The following TRIM37 variants were observed in gnomAD, a reference collection of about 807,000 sequenced individuals.
TRIM37 encodes the protein E3 ubiquitin-protein ligase TRIM37.
Under a neutral mutation model 129.8 loss-of-function variants are expected in TRIM37, and 80 were observed. That is an observed-to-expected ratio of 0.62 (90% CI 0.51 to 0.74). The LOEUF is 0.74. TRIM37 is among the 30% of genes least tolerant of loss of function. The probability of loss-of-function intolerance (pLI) is 0.00; values close to 1 mark genes in which losing one functional copy is unlikely to be tolerated. For synonymous variants in TRIM37, 389 were observed against 387.1 expected (o/e 1.00, Z -0.06); for missense variants, 1,054 against 1,176.5 (o/e 0.90, Z 1.52).
intron 17 of TRIM37, among the ~76,000 whole-genome samples, 175 bp from the exon 18 acceptor site, chr17:59,032,265 C>T (rs566697426): frequency 4.3e-4 from 65 of 152,196 alleles, no homozygotes; most frequent in African/African-American, 1.5e-3. Flanking sequence ...GTGGCTCACG[C>T]CTGTAATCCC....
At chr17:59,050,273 A>G (rs1046844710) in intron 14 of TRIM37, among the ~76,000 whole-genome samples, 1 of 152,228 alleles carries the variant, frequency 6.6e-6, no homozygotes, top group African/African-American at 2.4e-5. Context: ...CTTACCTCAA[A>G]CTACAGCCAC....
chr17:59,056,238 C>T (rs1454042204), intron 13 of TRIM37, among the ~76,000 whole-genome samples: 1 of 151,036 alleles, frequency 6.6e-6, no homozygotes, highest in Non-Finnish European at 1.5e-5. Flanking sequence ...GATGGGGGGT[C>T]TCATAATGTT....
intron 16 of TRIM37, among the ~76,000 whole-genome samples, 191 bp downstream of exon 16, chr17:59,047,492 A>G (rs2039939793): frequency 6.6e-6 from 1 of 152,230 alleles, no homozygotes; most frequent in African/African-American, 2.4e-5. Flanking sequence ...TAATTTCAAA[A>G]TTCAAATTTA....
intron 17 of TRIM37, among the ~76,000 whole-genome samples, chr17:59,036,364 A>G (rs1342578962): frequency 1.3e-5 from 2 of 152,176 alleles, no homozygotes; most frequent in Non-Finnish European, 2.9e-5. Context: ...TTTGTGCTAA[A>G]AAGGTTTTAA....
the TRIM37 span, among the ~76,000 whole-genome samples, chr17:58,970,923 CTCTAT>C: frequency 1.4e-4 from 21 of 152,168 alleles, no homozygotes; most frequent in Non-Finnish European, 2.5e-4. Context: ...CTTCTTCATC[CTCTAT>C]TCTATTCTTT....
intron 23 of TRIM37, among the ~76,000 whole-genome samples, chr17:59,000,511 G>A (rs1205094268): frequency 6.6e-6 from 1 of 152,126 alleles, no homozygotes; most frequent in East Asian, 1.9e-4. Context: ...TGAGGTGGGA[G>A]AATTGCTTGA....
intron 17 of TRIM37, among the ~76,000 whole-genome samples, chr17:59,039,519 G>GT (rs1264931398): frequency 6.6e-6 from 1 of 152,000 alleles, no homozygotes; most frequent in Non-Finnish European, 1.5e-5. Context: ...GCTAATTTTT[G>GT]TATTTTTAGT....
In TRIM37 at chr17:58,998,634, A is replaced by C. The variant is rs2033266421; in HGVS notation, c.*743T>G. 1 of 985,420 alleles carries C rather than the reference A, an allele frequency of 1.0e-6. No individual in the cohort carries two copies. Among genetic ancestry groups the C allele is most frequent in the South Asian group, 4.7e-5 (1 of 21,284 alleles). The allele number at this position is 985,420 out of a possible 1,614,324, so 61.0% of individuals were successfully genotyped here. ...GGCTTTAAAATATTTGTTGCACTACAGTCGTATAGTAAGAGGCAGAAAAAA... is the reference window on the plus strand; with the variant it reads ...GGCTTTAAAATATTTGTTGCACTACCGTCGTATAGTAAGAGGCAGAAAAAA... On this transcript the variant is annotated 3_prime_UTR_variant, in exon 24 of 24. Transcript: ENST00000262294.
chr17:59,039,725 C>A (rs1848471802), intron 17 of TRIM37, among the ~76,000 whole-genome samples: 1 of 151,916 alleles, frequency 6.6e-6, no homozygotes, highest in East Asian at 1.9e-4. Context: ...TTCCTCCTGA[C>A]TAAAGAATGA....
At chr17:59,049,525 C>T (rs1266745445) in intron 14 of TRIM37, 132 bp from the exon 15 acceptor site, 1 of 852,010 alleles carries the variant, frequency 1.2e-6, no homozygotes, top group Non-Finnish European at 1.9e-6. Flanking sequence ...AATGGTCTCA[C>T]TCTGTTGCCC....
At chr17:59,089,456 C>G (rs2044083670) in intron 3 of TRIM37, among the ~76,000 whole-genome samples, 1 of 152,104 alleles carries the variant, frequency 6.6e-6, no homozygotes, top group African/African-American at 2.4e-5. Context: ...TCCTGGCCAA[C>G]ATGGTGAAAC....
chr17:59,049,060 T>C (rs112221639), intron 15 of TRIM37, 118 bp downstream of exon 15: 113 of 805,258 alleles, frequency 1.4e-4, no homozygotes, highest in Non-Finnish European at 2.0e-4. Flanking sequence ...ACATTACTAA[T>C]GGAAATCAAT....
chr17:59,030,857 T>TA (rs1399803390), intron 18 of TRIM37, among the ~76,000 whole-genome samples: 1 of 152,216 alleles, frequency 6.6e-6, no homozygotes, highest in Non-Finnish European at 1.5e-5. Flanking sequence ...TCAAAAAGGT[T>TA]AAACCAACTT....
At chr17:59,031,315 T>C (rs116865372) in intron 18 of TRIM37, among the ~76,000 whole-genome samples, 14 of 152,378 alleles carry the variant, frequency 9.2e-5, no homozygotes, top group East Asian at 7.7e-4. Context: ...AAAATGGTTT[T>C]TAAAATGTAG....
chr17:59,017,586 T>C (rs1179672609), intron 19 of TRIM37, among the ~76,000 whole-genome samples, 162 bp from the exon 20 acceptor site: 1 of 152,174 alleles, frequency 6.6e-6, no homozygotes, highest in Non-Finnish European at 1.5e-5. Context: ...TAGACTTTTG[T>C]CATAAAACAT....
chr17:59,006,924 C>T (rs1392797801), intron 22 of TRIM37, among the ~76,000 whole-genome samples: 1 of 151,694 alleles, frequency 6.6e-6, no homozygotes, highest in East Asian at 1.9e-4. Context: ...AATAACTGGA[C>T]TTGGCCACTT....
At chr17:59,014,869 T>A (rs1194915436) in intron 21 of TRIM37, among the ~76,000 whole-genome samples, 2 of 149,922 alleles carry the variant, frequency 1.3e-5, no homozygotes, top group Non-Finnish European at 3.0e-5. Context: ...AAAAGTACTA[T>A]CTCTTGAGAC....
Position 59,032,079 on chromosome 17 carries a change from C to T in TRIM37, c.1765G>A (p.Gly589Ser). The T allele has an allele frequency of 3.7e-6, 6 of 1,613,780 alleles. No homozygotes were observed. Among genetic ancestry groups the T allele is most frequent in the South Asian group, 2.2e-5 (2 of 91,060 alleles). ...ATTCTACTACTGGAACCCACATAAC[C>T]ATGGCTACTACCTGCAAAAGAGGCG... ...AAAGPAGSSH[G>S]YVGSSSRISR... The change falls in exon 18 of 24, where the codon GGT (glycine) becomes AGT (serine). Residue 589 changes from glycine (G) to serine (S), a missense_variant. Gly to Ser is a moderately conservative substitution (Grantham distance 56, BLOSUM62 0). Around this residue, in one of 3 missense-constraint regions of TRIM37, gnomAD observed 752 missense variants for 870.8 expected, o/e 0.86. Coordinates refer to ENST00000262294, the MANE Select transcript of TRIM37 (RefSeq NM_015294.6).
intron 21 of TRIM37, among the ~76,000 whole-genome samples, chr17:59,013,013 C>A (rs1160304856): frequency 3.3e-5 from 5 of 151,970 alleles, no homozygotes; most frequent in Non-Finnish European, 7.4e-5. Flanking sequence ...GAGAAAAATA[C>A]ACAGGATCTC....
Sources: gnomAD v4.1 joint callset for allele counts (sites outside exome capture counted in the v4.1 genomes callset) on GRCh38, gnomAD v4.1.1 for gene constraint, gnomAD v4.1.1 regional missense constraint, MANE v1.5 for transcripts, NCBI Gene and HGNC (gene_info 2026-07-23, HGNC 2026-07-21) for gene names.